The following GSE1 variants were observed in gnomAD, a reference collection of about 807,000 sequenced individuals.
The protein encoded by GSE1 is genetic suppressor element 1.
A neutral mutation model predicts 112.6 loss-of-function variants in GSE1; 32 were observed. The observed-to-expected ratio is 0.28, with a 90% CI of 0.21 to 0.38. The LOEUF (loss-of-function observed/expected upper bound fraction) is 0.38, where lower values mean the gene tolerates loss of function less well. Ranked by LOEUF, GSE1 falls within the 10% of genes least tolerant of loss-of-function variation. The probability of loss-of-function intolerance (pLI) is 1.00; values close to 1 mark genes in which losing one functional copy is unlikely to be tolerated. For synonymous variants in GSE1, 1,115 were observed against 735.6 expected, an observed-to-expected ratio of 1.52 and a Z score of -8.35; for missense variants, 2,348 against 1,699.2, an observed-to-expected ratio of 1.38 and a Z score of -6.71.
intron 2 of GSE1, among the ~76,000 whole-genome samples, chr16:85,486,341 G>A (rs1001362865): frequency 6.6e-6 from 1 of 152,100 alleles, no homozygotes; most frequent in African/African-American, 2.4e-5. Flanking sequence ...ATGTTGTCAC[G>A]TGCACACGAG....
intron 2 of GSE1, among the ~76,000 whole-genome samples, chr16:85,394,320 A>G (rs949220152): frequency 1.3e-5 from 2 of 152,132 alleles, no homozygotes; most frequent in African/African-American, 4.8e-5. Flanking sequence ...AAAGTTTAAT[A>G]CCTGTCGGTG....
intron 1 of GSE1, among the ~76,000 whole-genome samples, chr16:85,620,988 G>T (rs1446433117): frequency 6.6e-6 from 1 of 151,810 alleles, no homozygotes; most frequent in Non-Finnish European, 1.5e-5. Flanking sequence ...TCTCGGCCCG[G>T]GGTCTCTGCT....
At chr16:85,598,022 C>G (rs78957544) in intron 1 of GSE1, among the ~76,000 whole-genome samples, 6,012 of 152,100 alleles carry the variant, frequency 0.04, 347 homozygotes, top group African/African-American at 0.14. Context: ...ACATAAAATA[C>G]CAAAATGACT....
At chr16:85,300,649 A>G (rs1394169863) in intron 1 of GSE1, among the ~76,000 whole-genome samples, 1 of 152,234 alleles carries the variant, frequency 6.6e-6, no homozygotes, top group Non-Finnish European at 1.5e-5. Context: ...GGAATAGTCC[A>G]TGGAGTGGTC....
At chr16:85,360,850 G>GACAC (rs146276920) in intron 2 of GSE1, among the ~76,000 whole-genome samples, 1 of 150,818 alleles carries the variant, frequency 6.6e-6, no homozygotes, top group Non-Finnish European at 1.5e-5. Flanking sequence ...AGAAACCCGT[G>GACAC]ACACACACAC....
intron 1 of GSE1, among the ~76,000 whole-genome samples, chr16:85,328,353 C>T (rs1025372707): frequency 6.6e-6 from 1 of 152,208 alleles, no homozygotes; most frequent in African/African-American, 2.4e-5. Flanking sequence ...CCTTCCCCAG[C>T]CACCTCCTCA....
At chr16:85,572,396 AACACACCACACACACTACACACC>A (rs1392145637) in intron 1 of GSE1, among the ~76,000 whole-genome samples, 1 of 135,022 alleles carries the variant, frequency 7.4e-6, no homozygotes, top group Non-Finnish European at 1.6e-5. Flanking sequence ...CCCACACACA[AACACACCACACACACTACACACC>A]ACACACACAC....
chr16:85,441,189 G>A (rs994630937), intron 2 of GSE1, among the ~76,000 whole-genome samples: 4 of 152,172 alleles, frequency 2.6e-5, no homozygotes, highest in African/African-American at 7.2e-5. Flanking sequence ...TGTGGTGGGG[G>A]CTGTCCTGTG....
intron 1 of GSE1, among the ~76,000 whole-genome samples, chr16:85,183,774 C>T (rs986872027): frequency 2.0e-5 from 3 of 152,200 alleles, no homozygotes; most frequent in Non-Finnish European, 4.4e-5. Context: ...GGCTGAGGCT[C>T]AGAGAGGTGG....
At chr16:85,237,130 C>A (rs961387115) in intron 1 of GSE1, among the ~76,000 whole-genome samples, 2 of 152,068 alleles carry the variant, frequency 1.3e-5, no homozygotes, top group Non-Finnish European at 2.9e-5. Context: ...TTGAGACCAG[C>A]CTGGCCAACA....
chr16:85,641,250 C>T (rs185140040), intron 2 of GSE1, among the ~76,000 whole-genome samples: 11 of 152,390 alleles, frequency 7.2e-5, no homozygotes, highest in Admixed American at 1.3e-4. Context: ...CGGACTCTCC[C>T]GGCTCCATCC....
chr16:85,176,829 C>T (rs964246720), intron 1 of GSE1, among the ~76,000 whole-genome samples: 3 of 152,240 alleles, frequency 2.0e-5, no homozygotes, highest in Non-Finnish European at 4.4e-5. Flanking sequence ...CATCAGGCCA[C>T]GTGCACATCT....
chr16:85,478,488 T>G (rs1326003424), intron 2 of GSE1, among the ~76,000 whole-genome samples: 1 of 148,162 alleles, frequency 6.7e-6, no homozygotes, highest in Non-Finnish European at 1.5e-5. Flanking sequence ...GATCGTGCCA[T>G]TGCACTGCAG....
At position 85,655,842 on chromosome 16, in the gene GSE1, G is replaced by A. The variant is rs199912131; in HGVS notation, c.914G>A (p.Arg305His). 3.7e-6 allele frequency: 6 copies of A among 1,610,036 alleles called. No homozygotes were observed. Among genetic ancestry groups the A allele is most frequent in the African/African-American group, 2.7e-5 (2 of 74,790 alleles). ...SAMHLHLSGV[R>H]YPPELSHSSL... ...ATGCACCTGCACCTCTCTGGGGTCC[G>A]CTACCCTCCCGAGCTCTCCCACTCA... The change falls in exon 6 of 16, where the codon CGC becomes CAC. Residue 305 changes from arginine (R) to histidine (H), a missense_variant. Coordinates refer to ENST00000253458, the MANE Select transcript of GSE1 (RefSeq NM_014615.5).
At chr16:85,233,508 C>G (rs1263595742) in intron 1 of GSE1, among the ~76,000 whole-genome samples, 2 of 152,136 alleles carry the variant, frequency 1.3e-5, no homozygotes, top group Non-Finnish European at 2.9e-5. Flanking sequence ...ACACATGTGC[C>G]TGTGTGTTCA....
intron 1 of GSE1, among the ~76,000 whole-genome samples, chr16:85,577,258 A>G (rs1227691183): frequency 6.6e-6 from 1 of 152,124 alleles, no homozygotes; most frequent in African/African-American, 2.4e-5. Flanking sequence ...GGTCCCAGAA[A>G]GTGGAGGTGC....
At chr16:85,341,920 G>A (rs1169828916) in intron 1 of GSE1, among the ~76,000 whole-genome samples, 1 of 152,160 alleles carries the variant, frequency 6.6e-6, no homozygotes, top group African/African-American at 2.4e-5. Flanking sequence ...AATGGCCTCA[G>A]TCCCTGGGCC....
chr16:85,666,570 G>T lies in GSE1; in HGVS notation c.3130+223G>T, dbSNP rs540976136. On this transcript the variant is annotated intron_variant, in intron 13 of 15. Coordinates refer to ENST00000253458, the MANE Select transcript of GSE1 (RefSeq NM_014615.5). ...AGGTGAGAAACGTTTGTAGGCACCAGCGCTGACGCTGTGCTGTGAGCAGGG... is the reference window on the plus strand; with the variant it reads ...AGGTGAGAAACGTTTGTAGGCACCATCGCTGACGCTGTGCTGTGAGCAGGG... 1.2e-5 allele frequency: 7 copies of T among 581,104 alleles called. No individual in the cohort carries two copies. In the Admixed American group the frequency reaches 1.2e-4, roughly 10 times the overall value. 36.0% of individuals were successfully genotyped at this position (581,104 alleles called of 1,614,324 possible). A position where few individuals can be genotyped will look rare whatever the true frequency, so the allele number is the denominator to read the frequency against.
intron 1 of GSE1, among the ~76,000 whole-genome samples, chr16:85,598,167 GTTTTTTTTTTT>G (rs973836177): frequency 2.8e-5 from 2 of 71,546 alleles, no homozygotes; most frequent in African/African-American, 1.1e-4. Flanking sequence ...AGGTTTGGTT[GTTTTTTTTTTT>G]TTTTTTTTTT....
Sources: allele counts gnomAD v4.1 joint callset (sites outside exome capture counted in the v4.1 genomes callset), GRCh38; gene constraint gnomAD v4.1.1; transcripts MANE v1.5; gene names NCBI Gene and HGNC (gene_info 2026-07-23, HGNC 2026-07-21).